PRKD1: variants seen among roughly 807,000 people sequenced by gnomAD.
PRKD1 encodes protein kinase D1, also known as serine/threonine-protein kinase D1.
PRKD1 carries 63 observed loss-of-function variants against 95.9 expected under a neutral mutation model. The ratio of observed to expected loss-of-function variants is 0.66; its 90% CI spans 0.54 to 0.81. The LOEUF (loss-of-function observed/expected upper bound fraction) is 0.81, where lower values mean the gene tolerates loss of function less well. Ranked by LOEUF, PRKD1 falls within the 30% of genes least tolerant of loss-of-function variation. The probability of loss-of-function intolerance (pLI) is 0.00; values close to 1 mark genes in which losing one functional copy is unlikely to be tolerated. For missense variants in PRKD1, 1,048 were observed against 1,165.3 expected, an observed-to-expected ratio of 0.90 and a Z score of 1.47; for synonymous variants, 425 against 423.1, an observed-to-expected ratio of 1.00 and a Z score of -0.05.
chr14:29,597,168 C>T (rs1020443123), intron 16 of PRKD1, among the ~76,000 whole-genome samples: 2 of 152,030 alleles, frequency 1.3e-5, no homozygotes, highest in African/African-American at 4.8e-5. Flanking sequence ...AAGTTTTTAA[C>T]ACAGAACTAG....
At chr14:29,793,182 T>C (rs1889625171) in intron 1 of PRKD1, among the ~76,000 whole-genome samples, 1 of 152,014 alleles carries the variant, frequency 6.6e-6, no homozygotes, top group South Asian at 2.1e-4. Flanking sequence ...ATAATTTTAT[T>C]GAAATGGTAG....
chr14:29,725,330 C>T (rs45492499), intron 2 of PRKD1, among the ~76,000 whole-genome samples: 299 of 152,252 alleles, frequency 2.0e-3, no homozygotes, highest in African/African-American at 6.6e-3. Flanking sequence ...AGTCAAGAGA[C>T]GTGATTGGAG....
chr14:29,773,535 T>A (rs1026477386), intron 1 of PRKD1, among the ~76,000 whole-genome samples: 1 of 151,872 alleles, frequency 6.6e-6, no homozygotes, highest in Non-Finnish European at 1.5e-5. Flanking sequence ...TGACTCTACA[T>A]GATCCATGAA....
intron 4 of PRKD1, among the ~76,000 whole-genome samples, chr14:29,643,742 C>T (rs995032672): frequency 1.3e-5 from 2 of 152,144 alleles, no homozygotes; most frequent in Admixed American, 6.5e-5. Flanking sequence ...GGAAAAGTTG[C>T]CTTTACTTGT....
At chr14:29,674,758 T>C (rs192997472) in intron 2 of PRKD1, among the ~76,000 whole-genome samples, 3 of 152,250 alleles carry the variant, frequency 2.0e-5, no homozygotes, top group East Asian at 1.9e-4. Flanking sequence ...TTACAAAAGG[T>C]TGGTAGACAA....
At chr14:29,644,923 C>T (rs1399776245) in intron 4 of PRKD1, among the ~76,000 whole-genome samples, 3 of 152,048 alleles carry the variant, frequency 2.0e-5, no homozygotes, top group Non-Finnish European at 4.4e-5. Flanking sequence ...CAACTATTTT[C>T]ATAGCACTTT....
chr14:29,863,516 C>G (rs1052903273), intron 1 of PRKD1, among the ~76,000 whole-genome samples: 5 of 152,096 alleles, frequency 3.3e-5, no homozygotes, highest in African/African-American at 1.2e-4. Flanking sequence ...TTGTTTAAAA[C>G]AAACAAGCAT....
chr14:29,824,456 G>A (rs1359009756), intron 1 of PRKD1, among the ~76,000 whole-genome samples: 1 of 152,072 alleles, frequency 6.6e-6, no homozygotes, highest in African/African-American at 2.4e-5. Context: ...TCACAGGAGC[G>A]GGAGCAGCAT....
rs186899463 is a variant in PRKD1, at chr14:29,802,464, A to T, written c.265-76790T>A. On this transcript the variant is annotated intron_variant, in intron 1 of 17. Coordinates refer to ENST00000331968, the MANE Select transcript of PRKD1 (RefSeq NM_002742.3). Reference sequence around the variant, plus strand: ...AAGATTTTTGCACCACAGTAGATGGATTAGATAGATCTAAATGTGGTTTTC... The same window carrying T: ...AAGATTTTTGCACCACAGTAGATGGTTTAGATAGATCTAAATGTGGTTTTC... Among the ~76,000 whole-genome samples the T allele has an allele frequency of 2.0e-5, 3 of 152,370 alleles. No individual in the cohort carries two copies. In the East Asian group the frequency reaches 5.8e-4, roughly 29 times the overall value.
At chr14:29,776,710 A>G (rs938825548) in intron 1 of PRKD1, among the ~76,000 whole-genome samples, 5 of 152,236 alleles carry the variant, frequency 3.3e-5, no homozygotes, top group Admixed American at 2.6e-4. Context: ...ACCAAGTTGG[A>G]AAACACTCTG....
chr14:29,613,495 G>A (rs926687804), intron 13 of PRKD1, among the ~76,000 whole-genome samples: 3 of 152,102 alleles, frequency 2.0e-5, no homozygotes, highest in African/African-American at 7.2e-5. Flanking sequence ...CTGCAAATCT[G>A]TATCCTCTGG....
At chr14:29,735,731 T>C (rs555069668) in intron 1 of PRKD1, among the ~76,000 whole-genome samples, 1 of 152,320 alleles carries the variant, frequency 6.6e-6, no homozygotes, top group East Asian at 1.9e-4. Context: ...AGAACCCCTC[T>C]ATATTTCATT....
intron 10 of PRKD1, among the ~76,000 whole-genome samples, chr14:29,629,887 A>G (rs1174086609): frequency 6.6e-6 from 1 of 152,052 alleles, no homozygotes; most frequent in Admixed American, 6.6e-5. Flanking sequence ...TCAGATTTGC[A>G]AATAACAAGA....
intron 11 of PRKD1, 126 bp downstream of exon 11, chr14:29,628,915 T>A (rs948229639): frequency 3.6e-6 from 2 of 557,210 alleles, no homozygotes; most frequent in African/African-American, 4.0e-5. Context: ...CAAAAAAATA[T>A]CCAAATTCTA....
chr14:29,718,874 T>C (rs1885750395), intron 2 of PRKD1, among the ~76,000 whole-genome samples: 1 of 152,174 alleles, frequency 6.6e-6, no homozygotes, highest in African/African-American at 2.4e-5. Flanking sequence ...CTATGCAATA[T>C]ACTTTTGAGG....
intron 13 of PRKD1, among the ~76,000 whole-genome samples, chr14:29,613,749 A>G (rs769363517): frequency 6.6e-6 from 1 of 152,220 alleles, no homozygotes; most frequent in Non-Finnish European, 1.5e-5. Flanking sequence ...TTGGTAACAT[A>G]TCAAAGGTTC....
chr14:29,779,615 C>T (rs1594511136), intron 1 of PRKD1, among the ~76,000 whole-genome samples: 2 of 152,138 alleles, frequency 1.3e-5, no homozygotes, highest in East Asian at 3.9e-4. Flanking sequence ...GAACTACAAA[C>T]CACTGCTCAA....
At chr14:29,579,416 T>C (rs375061334) in intron 16 of PRKD1, among the ~76,000 whole-genome samples, 15 of 152,296 alleles carry the variant, frequency 9.8e-5, no homozygotes, top group South Asian at 6.2e-4. Flanking sequence ...CTAGGCATTA[T>C]GTCTGAAAGA....
At chr14:29,646,473 C>T (rs1048548560) in intron 4 of PRKD1, among the ~76,000 whole-genome samples, 1 of 151,876 alleles carries the variant, frequency 6.6e-6, no homozygotes, top group African/African-American at 2.4e-5. Context: ...TACTGCATGC[C>T]TGTATGAAAA....
Sources: allele counts gnomAD v4.1 joint callset (sites outside exome capture counted in the v4.1 genomes callset), GRCh38; gene constraint gnomAD v4.1.1; transcripts MANE v1.5; gene names NCBI Gene and HGNC (gene_info 2026-07-23, HGNC 2026-07-21).